The following CRTC1 variants were observed in gnomAD, a reference collection of about 807,000 sequenced individuals.
CRTC1 encodes the protein CREB regulated transcription coactivator 1, also known as CREB-regulated transcription coactivator 1.
Under a neutral mutation model 66.1 loss-of-function variants are expected in CRTC1, and 18 were observed. The ratio of observed to expected loss-of-function variants is 0.27; its 90% CI spans 0.19 to 0.40. CRTC1 has a LOEUF of 0.40. Among genes scored for constraint, CRTC1 ranks in the 10% least tolerant of loss-of-function variants. CRTC1 has a pLI of 1.00. For missense variants in CRTC1, 669 were observed against 887.9 expected (o/e 0.75, Z 3.13); for synonymous variants, 416 against 398.8 (o/e 1.04, Z -0.51).
At chr19:18,697,139 G>A (rs1026818326) in intron 1 of CRTC1, among the ~76,000 whole-genome samples, 1 of 152,074 alleles carries the variant, frequency 6.6e-6, no homozygotes, top group Non-Finnish European at 1.5e-5. Context: ...CGCGTGCCTC[G>A]AGGGCCAGGG....
At chr19:18,689,722 C>T (rs952116452) in intron 1 of CRTC1, among the ~76,000 whole-genome samples, 5 of 150,748 alleles carry the variant, frequency 3.3e-5, no homozygotes, top group African/African-American at 4.9e-5. Context: ...GGGTCTACCC[C>T]GTTTTGTCCA....
intron 9 of CRTC1, among the ~76,000 whole-genome samples, chr19:18,767,508 T>G (rs1450733715): frequency 1.3e-5 from 2 of 152,198 alleles, no homozygotes; most frequent in Non-Finnish European, 2.9e-5. Flanking sequence ...ACTTGTTTGT[T>G]TTTAATGTAA....
intron 1 of CRTC1, among the ~76,000 whole-genome samples, chr19:18,740,068 C>T (rs376035535): frequency 1.1e-3 from 174 of 152,012 alleles, no homozygotes; most frequent in African/African-American, 3.8e-3. Context: ...GCCTGGCCAA[C>T]GTGGTGAAAC....
chr19:18,720,524 T>TG (rs2053601649), intron 1 of CRTC1, among the ~76,000 whole-genome samples: 1 of 118,476 alleles, frequency 8.4e-6, no homozygotes, highest in African/African-American at 3.9e-5. Flanking sequence ...TAATTTTTAG[T>TG]GTTTTTTTTT....
At chr19:18,699,872 T>G (rs1290055371) in intron 1 of CRTC1, among the ~76,000 whole-genome samples, 1 of 151,540 alleles carries the variant, frequency 6.6e-6, no homozygotes, top group East Asian at 1.9e-4. Context: ...GAGGAACGAG[T>G]AGGGAGCAGC....
chr19:18,694,298 C>CAA (rs202211420), intron 1 of CRTC1, among the ~76,000 whole-genome samples: 17 of 91,304 alleles, frequency 1.9e-4, no homozygotes, highest in Non-Finnish European at 2.5e-4. Flanking sequence ...GACTCCATCT[C>CAA]AAAAAAAAAA....
At chr19:18,725,608 G>T (rs777276037) in intron 1 of CRTC1, among the ~76,000 whole-genome samples, 3 of 152,216 alleles carry the variant, frequency 2.0e-5, no homozygotes, top group Non-Finnish European at 4.4e-5. Flanking sequence ...GGCTGGACCT[G>T]GCTTGGCCAC....
rs1193028333 is a variant in CRTC1, at chr19:18,775,784, C to T, written c.1656C>T (p.Tyr552=). Residue 552 remains tyrosine, a synonymous_variant, in exon 13 of 14, where the codon TAC becomes TAT. Transcript: ENST00000321949. ...GSLPDSQQLG[Y]ASHSGIPNII... ...TGCCGGACTCGCAGCAACTGGGATA[C>T]GCCAGCCACAGTGGCATCCCCAACA... 8.7e-6 allele frequency: 14 copies of T among 1,608,872 alleles called. No individual in the cohort carries two copies. The highest frequency in any genetic ancestry group is 5.3e-5 in the African/African-American group (4 of 74,832).
At chr19:18,772,847 G>A (rs1229953904) in intron 11 of CRTC1, among the ~76,000 whole-genome samples, 2 of 152,180 alleles carry the variant, frequency 1.3e-5, no homozygotes, top group African/African-American at 2.4e-5. Context: ...GTCTGGTCTC[G>A]TCGTGTGGTA....
intron 1 of CRTC1, among the ~76,000 whole-genome samples, chr19:18,732,309 A>G (rs1252690525): frequency 1.3e-5 from 2 of 152,134 alleles, no homozygotes; most frequent in African/African-American, 4.8e-5. Context: ...AGGCCTTGTA[A>G]GAAGAAGAAG....
intron 1 of CRTC1, among the ~76,000 whole-genome samples, chr19:18,725,930 G>A (rs1443181953): frequency 6.6e-6 from 1 of 152,224 alleles, no homozygotes; most frequent in African/African-American, 2.4e-5. Flanking sequence ...GACATCCCAG[G>A]GACGGGGGCC....
chr19:18,722,685 C>G (rs951903114), intron 1 of CRTC1, among the ~76,000 whole-genome samples: 1 of 152,098 alleles, frequency 6.6e-6, no homozygotes, highest in African/African-American at 2.4e-5. Flanking sequence ...GTAGCACACT[C>G]CCAGTGCTGT....
intron 1 of CRTC1, among the ~76,000 whole-genome samples, chr19:18,719,593 G>C (rs76028214): frequency 4.6e-5 from 7 of 152,254 alleles, no homozygotes; most frequent in South Asian, 2.1e-4. Flanking sequence ...AGCCGTCCTG[G>C]GGGGAGGCAG....
At chr19:18,765,348 C>T in intron 8 of CRTC1, 56 bp from the exon 9 acceptor site, 1 of 1,566,448 alleles carries the variant, frequency 6.4e-7, no homozygotes, top group Non-Finnish European at 8.7e-7. Context: ...TGTAAGCAGC[C>T]CTTTCTCAGT....
At chr19:18,742,690 C>G (rs549446365) in intron 1 of CRTC1, among the ~76,000 whole-genome samples, 4 of 152,216 alleles carry the variant, frequency 2.6e-5, no homozygotes, top group Non-Finnish European at 5.9e-5. Context: ...GGTGCATTGC[C>G]CCGCCTGGGG....
At chr19:18,727,039 G>T (rs2145656673) in intron 1 of CRTC1, among the ~76,000 whole-genome samples, 1 of 152,014 alleles carries the variant, frequency 6.6e-6, no homozygotes, top group East Asian at 1.9e-4. Context: ...TTGAGGCCAG[G>T]AGTCCAGGTC....
intron 1 of CRTC1, among the ~76,000 whole-genome samples, chr19:18,690,794 G>A (rs1354127657): frequency 6.6e-6 from 1 of 151,958 alleles, no homozygotes; most frequent in East Asian, 1.9e-4. Context: ...GGGAGGCCGG[G>A]GTGGGCAGAT....
At chr19:18,740,027 C>T (rs1340672630) in intron 1 of CRTC1, among the ~76,000 whole-genome samples, 2 of 151,820 alleles carry the variant, frequency 1.3e-5, no homozygotes, top group Admixed American at 1.3e-4. Flanking sequence ...CTGAGGCGGG[C>T]GAATCTCTTG....
intron 8 of CRTC1, among the ~76,000 whole-genome samples, chr19:18,763,415 C>T (rs1478107417): frequency 3.3e-5 from 5 of 152,252 alleles, no homozygotes; most frequent in African/African-American, 7.2e-5. Context: ...GTATTCAGGA[C>T]GGTCACCCTG....
Sources: allele counts gnomAD v4.1 joint callset (sites outside exome capture counted in the v4.1 genomes callset), GRCh38; gene constraint gnomAD v4.1.1; transcripts MANE v1.5; gene names NCBI Gene and HGNC (gene_info 2026-07-23, HGNC 2026-07-21).